MYO7A: variants seen among roughly 807,000 people sequenced by gnomAD.
MYO7A encodes the protein myosin VIIA, also known as unconventional myosin-VIIa.
MYO7A carries 210 observed loss-of-function variants against 263.8 expected under a neutral mutation model. The ratio of observed to expected loss-of-function variants is 0.80; its 90% CI spans 0.71 to 0.89. The LOEUF (loss-of-function observed/expected upper bound fraction) is 0.89, where lower values mean the gene tolerates loss of function less well. Among genes scored for constraint, MYO7A ranks in the 40% least tolerant of loss-of-function variants. The pLI is 0.00. For missense variants in MYO7A, 2,820 were observed against 2,968.3 expected, an observed-to-expected ratio of 0.95 and a Z score of 1.16; for synonymous variants, 1,239 against 1,197.3, an observed-to-expected ratio of 1.03 and a Z score of -0.72.
At position 77,208,251 on chromosome 11, in the gene MYO7A, C is replaced by A. The variant is rs879537775; in HGVS notation, c.5857-179C>A. Among the ~76,000 whole-genome samples, 45 of 152,320 alleles carry A rather than the reference C, an allele frequency of 3.0e-4. 1 individual carries two copies. The highest frequency in any genetic ancestry group is 5.7e-4 in the Non-Finnish European group (39 of 68,028). ...ACCATCGCTCCCGGCAAGAAGTGGG[C>A]TCTTCCGGGGACACTCAGCAGGCAC... On this transcript the variant is annotated intron_variant, in intron 42 of 48. Transcript: ENST00000409709.
At position 77,138,558 on chromosome 11, in the gene MYO7A, G is replaced by A. The variant is rs1951012245; in HGVS notation, c.19-4151G>A. On this transcript the variant is annotated intron_variant, in intron 2 of 48. Coordinates refer to ENST00000409709, the MANE Select transcript of MYO7A (RefSeq NM_000260.4). This position sits in a 1 kb window ranked among gnomAD's most constrained non-coding sequence, Gnocchi z 4.9. Reference sequence around the variant, plus strand: ...TGTGCATGGACTGCGGCCCTAGGATGCCACCTGCGGTCTCTGACCTCCCCC... The same window carrying A: ...TGTGCATGGACTGCGGCCCTAGGATACCACCTGCGGTCTCTGACCTCCCCC... 6.6e-6 allele frequency among the ~76,000 whole-genome samples: 1 copy of A among 152,210 alleles called. No individual in the cohort carries two copies. The highest frequency in any genetic ancestry group is 2.1e-4 in the South Asian group (1 of 4,832).
At chr11:77,145,657 C>T (rs540574969) in intron 3 of MYO7A, among the ~76,000 whole-genome samples, 38 of 152,198 alleles carry the variant, frequency 2.5e-4, no homozygotes, top group Non-Finnish European at 4.7e-4. Context: ...ATGTTCCACA[C>T]GGGACTGGAA....
At chr11:77,175,203 G>A (rs1954527124) in intron 17 of MYO7A, among the ~76,000 whole-genome samples, 169 bp from the exon 18 acceptor site, 1 of 152,198 alleles carries the variant, frequency 6.6e-6, no homozygotes. Flanking sequence ...CCATCCAGCT[G>A]AGCTAAGGAG....
At chr11:77,158,193 C>T (rs1555065343) in intron 8 of MYO7A, 84 bp from the exon 9 acceptor site, 5 of 1,425,260 alleles carry the variant, frequency 3.5e-6, no homozygotes, top group Non-Finnish European at 3.7e-6. Context: ...GCAGAAAGGG[C>T]CTTTTGGGCA....
rs1436844898 is a variant in MYO7A, at chr11:77,160,183, G to A, written c.1101G>A (p.Met367Ile). 3 of 1,566,886 alleles carry A rather than the reference G, an allele frequency of 1.9e-6. No homozygotes were observed. In the African/African-American group the frequency reaches 4.1e-5, roughly 21 times the overall value. ...ACCAGGTGAACCCCCCAGACCTGATGAGCTGCCTGACTAGCCGCACCCTCA... is the reference window on the plus strand; with the variant it reads ...ACCAGGTGAACCCCCCAGACCTGATAAGCTGCCTGACTAGCCGCACCCTCA... ...SLLEVNPPDL[M>I]SCLTSRTLIT... Residue 367 changes from methionine to isoleucine, a missense_variant, in exon 11 of 49, where the codon ATG becomes ATA. Transcript: ENST00000409709.
intron 23 of MYO7A, 112 bp downstream of exon 23, chr11:77,181,701 G>A: frequency 9.6e-7 from 1 of 1,044,074 alleles, no homozygotes; most frequent in East Asian, 2.6e-5. Context: ...GAACAGTGGG[G>A]AGCAGAGATG....
At position 77,180,457 on chromosome 11, in the gene MYO7A, G is replaced by A. The variant is rs782644623; in HGVS notation, c.2670G>A (p.Lys890=). Residue 890 remains lysine, a synonymous_variant, in exon 22 of 49, where the codon AAG becomes AAA. Coordinates refer to ENST00000409709, the MANE Select transcript of MYO7A (RefSeq NM_000260.4). ...LRKEMSAKKA[K]EEAERKHQER... ...AGGAGATGAGCGCCAAGAAGGCCAA[G>A]GAGGAGGCCGAGCGCAAGCATCAGG... 1.9e-6 allele frequency: 3 copies of A among 1,612,436 alleles called. No homozygotes were observed. The highest frequency in any genetic ancestry group is 8.5e-7 in the Non-Finnish European group (1 of 1,179,788).
chr11:77,181,831 C>T, intron 23 of MYO7A, 120 bp from the exon 24 acceptor site: 1 of 724,328 alleles, frequency 1.4e-6, no homozygotes, highest in Non-Finnish European at 2.2e-6. Flanking sequence ...GTTGCTCAGG[C>T]TGGAGTGCAG....
At chr11:77,159,671 A>G in intron 10 of MYO7A, 148 bp downstream of exon 10, 1 of 807,796 alleles carries the variant, frequency 1.2e-6, no homozygotes, top group Non-Finnish European at 1.9e-6. Flanking sequence ...AACCATGTGC[A>G]GGTCCTGTGC....
At chr11:77,199,426 C>A (rs1956907256) in intron 34 of MYO7A, 109 bp from the exon 35 acceptor site, 2 of 1,239,244 alleles carry the variant, frequency 1.6e-6, no homozygotes, top group African/African-American at 1.5e-5. Flanking sequence ...CTGGGCCATG[C>A]CTGACTCTGG....
In MYO7A at chr11:77,194,290, T is replaced by C. The variant is rs998301231; in HGVS notation, c.4153-64T>C. 9 of 1,551,908 alleles carry C rather than the reference T, an allele frequency of 5.8e-6. No homozygotes were observed. In the African/African-American group the frequency reaches 9.5e-5, roughly 16 times the overall value. On this transcript the variant is annotated intron_variant, in intron 31 of 48. Coordinates refer to ENST00000409709, the MANE Select transcript of MYO7A (RefSeq NM_000260.4). ...CAGGAGAGGGGCCTGGAGCCTTTGG[T>C]GGTGTGGAAGGGCTTCCTGGAGGGG...
chr11:77,155,280 G>C (rs1482886339), intron 4 of MYO7A, among the ~76,000 whole-genome samples: 1 of 152,106 alleles, frequency 6.6e-6, no homozygotes, highest in Non-Finnish European at 1.5e-5. Context: ...GCTATCTGAG[G>C]TGCACCTGGC....
At chr11:77,206,296 A>C (rs1591487411) in intron 41 of MYO7A, 94 bp downstream of exon 41, 1 of 931,452 alleles carries the variant, frequency 1.1e-6, no homozygotes. Context: ...CTCCCCCATC[A>C]CCTGACATTT....
At chr11:77,192,969 TGGAGGTA>T (rs1310935771) in intron 31 of MYO7A, among the ~76,000 whole-genome samples, 1 of 23,326 alleles carries the variant, frequency 4.3e-5, no homozygotes, top group Non-Finnish European at 7.3e-5. Context: ...TTGGTGATGG[TGGAGGTA>T]GTTGTGATGG....
intron 3 of MYO7A, among the ~76,000 whole-genome samples, chr11:77,144,046 G>T (rs1951393000): frequency 6.6e-6 from 1 of 152,168 alleles, no homozygotes; most frequent in African/African-American, 2.4e-5. Flanking sequence ...CACATAGAGG[G>T]ACCACACAGC....
In MYO7A at chr11:77,182,164, G is replaced by A; in HGVS notation, c.3108+10G>A. ...CGAGGGTGACCAGCTGGTAAGGCCT[G>A]CCTGTCACTAGGTCACTGCTGGGTG... On this transcript the variant is annotated intron_variant, in intron 24 of 48. Transcript: ENST00000409709. The A allele has an allele frequency of 6.2e-7, 1 of 1,612,968 alleles. No individual in the cohort carries two copies. Among genetic ancestry groups the A allele is most frequent in the Non-Finnish European group, 8.5e-7 (1 of 1,179,798 alleles).
In MYO7A at chr11:77,144,340, C is replaced by T. The variant is rs993278803; in HGVS notation, c.132+1518C>T. 3.3e-5 allele frequency among the ~76,000 whole-genome samples: 5 copies of T among 152,170 alleles called. No homozygotes were observed. In the East Asian group the frequency reaches 5.8e-4, roughly 18 times the overall value. ...GGGCCTGCTAACCTGCCCAGAGCCC[C>T]CAGGGTGGGGACCAGGGACTCTGTC... On this transcript the variant is annotated intron_variant, in intron 3 of 48. Transcript: ENST00000409709.
In MYO7A at chr11:77,197,510, C is replaced by T. The variant is rs372336857; in HGVS notation, c.4353C>T (p.Ala1451=). ...TTTATGCCCAGAGGAGAACTGATGC[C>T]CAGAAGGTCAAAGAGGATGTGGTCA... ...KGIYAQRRTD[A]QKVKEDVVSY... Residue 1451 remains alanine (A), a synonymous_variant, in exon 33 of 49, where the codon GCC becomes GCT. Transcript: ENST00000409709. The T allele has an allele frequency of 1.9e-5, 31 of 1,606,108 alleles. No homozygotes were observed. The African/African-American group carries it at 3.7e-4, about 19-fold the overall frequency.
At chr11:77,205,668 AC>A in intron 40 of MYO7A, 51 bp downstream of exon 40, 1 of 1,606,304 alleles carries the variant, frequency 6.2e-7, no homozygotes, top group South Asian at 1.1e-5. Flanking sequence ...GCTCCTGGCC[AC>A]GCGGGGCTTG....
Sources: gnomAD v4.1 joint callset for allele counts (sites outside exome capture counted in the v4.1 genomes callset) on GRCh38, gnomAD v4.1.1 for gene constraint, Gnocchi (gnomAD v3.1) non-coding constraint, MANE v1.5 for transcripts, NCBI Gene and HGNC (gene_info 2026-07-23, HGNC 2026-07-21) for gene names.